The following MAF variants were observed in gnomAD, a reference collection of about 807,000 sequenced individuals.
MAF encodes transcription factor Maf.
A neutral mutation model predicts 22.0 loss-of-function variants in MAF; 10 were observed. That is an observed-to-expected ratio of 0.45 (90% CI 0.28 to 0.77). MAF has a LOEUF of 0.77. Ranked by LOEUF, MAF falls within the 30% of genes least tolerant of loss-of-function variation. MAF has a pLI of 0.12. For synonymous variants in MAF, 337 were observed against 255.8 expected (o/e 1.32, Z -3.03); for missense variants, 544 against 548.4 (o/e 0.99, Z 0.08).
chr16:79,279,207 C>G, the MAF span, among the ~76,000 whole-genome samples: 2 of 152,078 alleles, frequency 1.3e-5, no homozygotes, highest in Admixed American at 6.5e-5. Flanking sequence ...CCCTCTCCAC[C>G]CCCTCATTCT....
chr16:79,252,810 T>G, the MAF span, among the ~76,000 whole-genome samples: 1 of 152,120 alleles, frequency 6.6e-6, no homozygotes, highest in Non-Finnish European at 1.5e-5. Flanking sequence ...TTTTTGCCCC[T>G]GTGAGTTACT....
chr16:79,568,865 C>T, the MAF span, among the ~76,000 whole-genome samples: 6 of 152,220 alleles, frequency 3.9e-5, no homozygotes, highest in African/African-American at 7.2e-5. Flanking sequence ...AGGGGCTTTA[C>T]GTAGATTATC....
At chr16:79,345,346 T>C in the MAF span, among the ~76,000 whole-genome samples, 1 of 152,260 alleles carries the variant, frequency 6.6e-6, no homozygotes. Flanking sequence ...TGTCCTAAAA[T>C]ACAATGGCGA....
rs2143820257 is a variant in MAF, at chr16:79,599,890, G to C, written c.13C>G (p.Leu5Val). 6.3e-7 allele frequency: 1 copy of C among 1,596,858 alleles called. No homozygotes were observed. The highest frequency in any genetic ancestry group is 8.5e-7 in the Non-Finnish European group (1 of 1,178,146). Residue 5 changes from leucine to valine, a missense_variant, in exon 1 of 2, where the codon CTG (leucine) becomes GTG (valine). Coordinates refer to ENST00000326043, the MANE Select transcript of MAF (RefSeq NM_005360.5). ...GGCAGGTCGGAGTTGCTCATTGCCA[G>C]TTCTGATGCCATTCTCCTGCCGCCG... Reference protein sequence around the residue: MASELAMSNSDLPTS... With the variant: MASEVAMSNSDLPTS...
chr16:79,352,894 C>T, the MAF span, among the ~76,000 whole-genome samples: 3 of 152,128 alleles, frequency 2.0e-5, no homozygotes, highest in African/African-American at 7.2e-5. Context: ...TTCTGAACCA[C>T]AAAAATAGAT....
chr16:79,396,856 T>C, the MAF span, among the ~76,000 whole-genome samples: 10 of 152,244 alleles, frequency 6.6e-5, no homozygotes, highest in Non-Finnish European at 1.5e-4. Flanking sequence ...AACACTGGCA[T>C]AAAGTATTTA....
At chr16:79,463,942 G>C in the MAF span, among the ~76,000 whole-genome samples, 1 of 144,898 alleles carries the variant, frequency 6.9e-6, no homozygotes, top group African/African-American at 2.5e-5. Context: ...AGTGTTAGGA[G>C]ACAAAACCCT....
the MAF span, among the ~76,000 whole-genome samples, chr16:79,405,910 C>T: frequency 3.6e-4 from 55 of 152,326 alleles, no homozygotes; most frequent in South Asian, 0.011. Flanking sequence ...GCACACCATT[C>T]ACACTTCCAA....
the MAF span, among the ~76,000 whole-genome samples, chr16:79,231,301 T>A: frequency 1.3e-5 from 2 of 152,074 alleles, no homozygotes; most frequent in African/African-American, 2.4e-5. Flanking sequence ...ACAATTTTGG[T>A]ATTCTGACCT....
chr16:79,240,634 G>C, the MAF span, among the ~76,000 whole-genome samples: 3 of 150,264 alleles, frequency 2.0e-5, no homozygotes, highest in African/African-American at 7.3e-5. Flanking sequence ...AGACTTAAAC[G>C]ACCTGGCCTG....
At chr16:79,537,540 C>T in the MAF span, among the ~76,000 whole-genome samples, 3 of 152,170 alleles carry the variant, frequency 2.0e-5, no homozygotes, top group Non-Finnish European at 4.4e-5. Flanking sequence ...TGCCTATGTT[C>T]CTGACCGAAC....
At chr16:79,352,978 G>A in the MAF span, among the ~76,000 whole-genome samples, 2 of 152,086 alleles carry the variant, frequency 1.3e-5, no homozygotes, top group East Asian at 1.9e-4. Flanking sequence ...TTCAAAATTT[G>A]TAACTTTTGG....
chr16:79,521,866 A>G, the MAF span, among the ~76,000 whole-genome samples: 4 of 152,232 alleles, frequency 2.6e-5, no homozygotes, highest in African/African-American at 9.6e-5. Context: ...AATCCTATGT[A>G]ATAAATATTA....
the MAF span, chr16:79,204,311 C>T: frequency 6.6e-6 from 1 of 152,106 alleles, no homozygotes; most frequent in Non-Finnish European, 1.5e-5. Flanking sequence ...CCGGTCAGTT[C>T]TAGAACGCTT....
the MAF span, among the ~76,000 whole-genome samples, chr16:79,448,781 C>G: frequency 2.0e-5 from 3 of 151,814 alleles, no homozygotes; most frequent in African/African-American, 7.3e-5. Flanking sequence ...CACAATGCTA[C>G]TACAGACTTT....
At chr16:79,318,392 A>T in the MAF span, among the ~76,000 whole-genome samples, 1 of 152,212 alleles carries the variant, frequency 6.6e-6, no homozygotes, top group East Asian at 1.9e-4. Flanking sequence ...TGCAGGGTAC[A>T]TGAGCAATTT....
the MAF span, among the ~76,000 whole-genome samples, chr16:79,329,620 C>A: frequency 6.6e-6 from 1 of 152,130 alleles, no homozygotes; most frequent in Non-Finnish European, 1.5e-5. Flanking sequence ...TCATATCAGT[C>A]ACGGTGTCTT....
the MAF span, chr16:79,205,308 T>G: frequency 2.6e-5 from 4 of 152,212 alleles, no homozygotes; most frequent in African/African-American, 7.2e-5. Context: ...CTGTCCCTAG[T>G]GTCACCTGGG....
chr16:79,285,795 C>G, the MAF span, among the ~76,000 whole-genome samples: 1 of 152,154 alleles, frequency 6.6e-6, no homozygotes, highest in East Asian at 1.9e-4. Context: ...CCCAACGTGA[C>G]CAGCGCACAC....
Sources: gnomAD v4.1 joint callset for allele counts (sites outside exome capture counted in the v4.1 genomes callset) on GRCh38, gnomAD v4.1.1 for gene constraint, MANE v1.5 for transcripts, NCBI Gene and HGNC (gene_info 2026-07-23, HGNC 2026-07-21) for gene names.